The following ERC1 variants were observed in gnomAD, a reference collection of about 807,000 sequenced individuals.
ERC1 encodes RAB6 interacting protein 2.
In ERC1, 56 loss-of-function variants were observed where a neutral mutation model predicts 132.0. The observed-to-expected ratio is 0.42, with a 90% confidence interval of 0.34 to 0.53. The LOEUF is 0.53. Ranked by LOEUF, ERC1 falls within the 20% of genes least tolerant of loss-of-function variation. The pLI, the probability that ERC1 is intolerant of heterozygous loss-of-function variation, is 0.03. For missense variants in ERC1, 1,202 were observed against 1,349.9 expected, an observed-to-expected ratio of 0.89 and a Z score of 1.72; for synonymous variants, 478 against 476.1, an observed-to-expected ratio of 1.00 and a Z score of -0.05.
chr12:1,359,302 C>T (rs1463017097), intron 15 of ERC1, among the ~76,000 whole-genome samples: 2 of 152,176 alleles, frequency 1.3e-5, no homozygotes, highest in Non-Finnish European at 2.9e-5. Context: ...GGAGTCACTT[C>T]TACACTCAAC....
chr12:1,320,341 G>A (rs1445480085), intron 15 of ERC1, among the ~76,000 whole-genome samples: 2 of 152,144 alleles, frequency 1.3e-5, no homozygotes, highest in African/African-American at 4.8e-5. Flanking sequence ...GTATGAAAGT[G>A]TGCATCTCCT....
chr12:1,065,604 G>A (rs1284783610), intron 2 of ERC1, among the ~76,000 whole-genome samples: 3 of 149,546 alleles, frequency 2.0e-5, no homozygotes, highest in Admixed American at 6.7e-5. Flanking sequence ...GGGGCGGGGG[G>A]GGACGGATTT....
chr12:1,444,549 T>A lies in ERC1; in HGVS notation c.3025-13T>A. The stretch of plus-strand genomic sequence containing the variant: ...CTCATTTTATTTTATTTTATTTTAT[T>A]TTTTTGCCTTAGATCATCCAGCCCC... On this transcript the variant is annotated splice_polypyrimidine_tract_variant and intron_variant, in intron 17 of 18. Transcript: ENST00000360905. 1 of 1,554,158 alleles carries A rather than the reference T, an allele frequency of 6.4e-7. No individual in the cohort carries two copies. Among genetic ancestry groups the A allele is most frequent in the Non-Finnish European group, 8.7e-7 (1 of 1,143,162 alleles).
chr12:1,315,283 C>G (rs1015744071), intron 15 of ERC1, among the ~76,000 whole-genome samples: 1 of 152,114 alleles, frequency 6.6e-6, no homozygotes, highest in Non-Finnish European at 1.5e-5. Flanking sequence ...TTCCAAAGTG[C>G]TGGGATTATA....
intron 15 of ERC1, among the ~76,000 whole-genome samples, chr12:1,358,139 G>A (rs1282493785): frequency 6.6e-6 from 1 of 150,654 alleles, no homozygotes; most frequent in East Asian, 1.9e-4. Flanking sequence ...GCAGTTTGAG[G>A]CTACAGTGAG....
rs149392771 is a variant in ERC1, at chr12:1,490,640, T to C, written c.*410T>C. ...CAACAGGCTGAGAGGATGCCTCCAA[T>C]GGACCAGAGAGCTGAGTGTTCTAAT... On this transcript the variant is annotated 3_prime_UTR_variant, in exon 19 of 19. Transcript: ENST00000360905. The C allele has an allele frequency of 3.1e-4, 77 of 248,368 alleles. No homozygotes were observed. The East Asian group carries it at 3.2e-3, about 10-fold the overall frequency. The allele number at this position is 248,368 out of a possible 1,614,324, so 15.4% of individuals were successfully genotyped here.
intron 17 of ERC1, among the ~76,000 whole-genome samples, chr12:1,424,828 TAGATA>T (rs1285997716): frequency 7.2e-6 from 1 of 138,206 alleles, no homozygotes; most frequent in South Asian, 2.4e-4. Context: ...GATAGATAGA[TAGATA>T]GATAGATAGA....
intron 13 of ERC1, among the ~76,000 whole-genome samples, chr12:1,246,577 A>G (rs1028372082): frequency 6.6e-6 from 1 of 152,208 alleles, no homozygotes; most frequent in Non-Finnish European, 1.5e-5. Context: ...CATAGTCTCA[A>G]AATGTTTTCT....
intron 7 of ERC1, among the ~76,000 whole-genome samples, chr12:1,120,170 T>C (rs548437930): frequency 6.6e-6 from 1 of 152,032 alleles, no homozygotes; most frequent in South Asian, 2.1e-4. Flanking sequence ...TAATTTGTAT[T>C]TTTTGTAGAG....
At chr12:1,121,763 ATC>A (rs56217169) in intron 7 of ERC1, among the ~76,000 whole-genome samples, 2 of 5,394 alleles carry the variant, frequency 3.7e-4, no homozygotes, top group African/African-American at 6.6e-4. Flanking sequence ...CTCTATCTCT[ATC>A]TATCTCTATC....
chr12:1,251,848 C>T (rs2076488579), intron 13 of ERC1, among the ~76,000 whole-genome samples: 1 of 152,076 alleles, frequency 6.6e-6, no homozygotes, highest in South Asian at 2.1e-4. Context: ...ACATTAGGCA[C>T]TAAAATTATT....
intron 12 of ERC1, among the ~76,000 whole-genome samples, chr12:1,218,668 T>A (rs926316497): frequency 6.6e-6 from 1 of 152,002 alleles, no homozygotes; most frequent in Non-Finnish European, 1.5e-5. Flanking sequence ...TTCTACACAT[T>A]TCCTTCCTTG....
At chr12:1,060,222 A>G (rs12303605) in intron 2 of ERC1, among the ~76,000 whole-genome samples, 13,475 of 147,372 alleles carry the variant, frequency 0.091, 1,071 homozygotes, top group African/African-American at 0.22. Flanking sequence ...CATGTGCACA[A>G]TGTGCAGGTT....
At chr12:1,286,859 A>G (rs1046773997) in intron 14 of ERC1, among the ~76,000 whole-genome samples, 2 of 152,244 alleles carry the variant, frequency 1.3e-5, no homozygotes, top group Non-Finnish European at 2.9e-5. Context: ...GAGAAAAATT[A>G]TTAAACTTTA....
intron 15 of ERC1, among the ~76,000 whole-genome samples, chr12:1,354,956 C>T (rs996842866): frequency 6.6e-6 from 1 of 152,188 alleles, no homozygotes; most frequent in African/African-American, 2.4e-5. Context: ...ATCACCACTT[C>T]CCAAACTGTT....
intron 15 of ERC1, among the ~76,000 whole-genome samples, chr12:1,301,939 A>G (rs1329309087): frequency 6.6e-6 from 1 of 152,208 alleles, no homozygotes; most frequent in African/African-American, 2.4e-5. Context: ...AAGATGTAAT[A>G]CCAGTCTTAG....
chr12:1,225,644 G>A (rs1203327089), intron 12 of ERC1, among the ~76,000 whole-genome samples: 1 of 152,214 alleles, frequency 6.6e-6, no homozygotes, highest in Non-Finnish European at 1.5e-5. Context: ...GTGATGGAAA[G>A]TGCTGAGGAA....
intron 1 of ERC1, among the ~76,000 whole-genome samples, chr12:1,015,367 T>C (rs1446911970): frequency 1.3e-5 from 2 of 152,170 alleles, no homozygotes; most frequent in Admixed American, 1.3e-4. Flanking sequence ...CCATTGTTTT[T>C]CTTTTCTTTT....
intron 12 of ERC1, among the ~76,000 whole-genome samples, chr12:1,232,564 T>C (rs1300687999): frequency 6.6e-6 from 1 of 152,228 alleles, no homozygotes; most frequent in East Asian, 1.9e-4. Flanking sequence ...GATGCTTTCT[T>C]CTGCATAACT....
Sources: gnomAD v4.1 joint callset for allele counts (sites outside exome capture counted in the v4.1 genomes callset) on GRCh38, gnomAD v4.1.1 for gene constraint, MANE v1.5 for transcripts, NCBI Gene and HGNC (gene_info 2026-07-23, HGNC 2026-07-21) for gene names.